PPP1R9A: variants seen among roughly 807,000 people sequenced by gnomAD.
PPP1R9A encodes protein phosphatase 1 regulatory subunit 9A, also known as neurabin-1.
In PPP1R9A, 59 loss-of-function variants were observed where a neutral mutation model predicts 141.9. That is an observed-to-expected ratio of 0.42 (90% CI 0.34 to 0.52). The LOEUF is 0.52. Ranked by LOEUF, PPP1R9A falls within the 20% of genes least tolerant of loss-of-function variation. PPP1R9A has a pLI of 0.10. For missense variants in PPP1R9A, 1,444 were observed against 1,611.9 expected (o/e 0.90, Z 1.78); for synonymous variants, 500 against 569.7 (o/e 0.88, Z 1.74).
At position 95,290,345 on chromosome 7, in the gene PPP1R9A, T is replaced by A. The variant is rs1806185423; in HGVS notation, c.*42T>A. ...GATGATGGAGATGCTCCAAGAGAAG[T>A]CCCCACCTCTTCCTGCCCTGCTCTC... On this transcript the variant is annotated 3_prime_UTR_variant, in exon 20 of 20. Transcript: ENST00000433360. The A allele has an allele frequency of 1.9e-6, 3 of 1,553,288 alleles. No individual in the cohort carries two copies. The highest frequency in any genetic ancestry group is 1.7e-6 in the Non-Finnish European group (2 of 1,143,972).
At chr7:95,168,799 A>G (rs1831664124) in intron 5 of PPP1R9A, among the ~76,000 whole-genome samples, 1 of 152,052 alleles carries the variant, frequency 6.6e-6, no homozygotes, top group Non-Finnish European at 1.5e-5. Context: ...AACATCAGTA[A>G]TCATCAGAGA....
At position 95,235,262 on chromosome 7, in the gene PPP1R9A, A is replaced by T. The variant is rs186556102; in HGVS notation, c.2112+9146A>T. 4.1e-4 allele frequency among the ~76,000 whole-genome samples: 63 copies of T among 152,312 alleles called. 1 individual carries two copies. The East Asian group carries it at 9.6e-3, about 23-fold the overall frequency. On this transcript the variant is annotated intron_variant, in intron 8 of 19. Transcript: ENST00000433360. ...GACTGGGAGAAAGTCTTTGCCATCT[A>T]TACATCTGACAAAGAACGAATATCC...
At chr7:95,276,665 A>ATTG (rs1803248518) in intron 16 of PPP1R9A, among the ~76,000 whole-genome samples, 1 of 152,202 alleles carries the variant, frequency 6.6e-6, no homozygotes, top group Non-Finnish European at 1.5e-5. Flanking sequence ...TTGTTATGAC[A>ATTG]TTGGCATACC....
intron 5 of PPP1R9A, among the ~76,000 whole-genome samples, chr7:95,193,308 G>T (rs1835783597): frequency 6.6e-6 from 1 of 152,068 alleles, no homozygotes. Flanking sequence ...TTTTAAAAGT[G>T]AGTATATTTC....
chr7:95,193,348 T>C (rs1835790035), intron 5 of PPP1R9A, among the ~76,000 whole-genome samples: 1 of 152,102 alleles, frequency 6.6e-6, no homozygotes, highest in African/African-American at 2.4e-5. Context: ...TTATGCGCAA[T>C]TATAAATCAT....
intron 2 of PPP1R9A, 47 bp from the exon 3 acceptor site, chr7:95,111,212 G>GTTTTT: frequency 1.6e-6 from 2 of 1,253,516 alleles, no homozygotes; most frequent in South Asian, 3.2e-5. Flanking sequence ...TACCTGGCAG[G>GTTTTT]TTTTTTTTTT....
At chr7:95,230,494 GAC>G in intron 8 of PPP1R9A, among the ~76,000 whole-genome samples, 1 of 151,944 alleles carries the variant, frequency 6.6e-6, no homozygotes, top group South Asian at 2.1e-4. Flanking sequence ...GGAAATCAAG[GAC>G]ACACACAAAT....
intron 2 of PPP1R9A, among the ~76,000 whole-genome samples, chr7:94,953,139 G>A (rs1796667755): frequency 6.6e-6 from 1 of 152,128 alleles, no homozygotes; most frequent in South Asian, 2.1e-4. Context: ...TTTGTATATG[G>A]TGTAAGGAAG....
At chr7:95,172,834 T>A (rs2152755908) in intron 5 of PPP1R9A, among the ~76,000 whole-genome samples, 1 of 152,026 alleles carries the variant, frequency 6.6e-6, no homozygotes, top group Non-Finnish European at 1.5e-5. Flanking sequence ...CAAGGCAATC[T>A]GGTTGAGGTA....
intron 2 of PPP1R9A, among the ~76,000 whole-genome samples, chr7:95,037,791 G>T (rs914956708): frequency 2.0e-5 from 3 of 152,106 alleles, no homozygotes; most frequent in Non-Finnish European, 2.9e-5. Context: ...TTTCAGTTCT[G>T]ACATTTTAAG....
chr7:95,240,741 G>C (rs534203403), intron 8 of PPP1R9A, among the ~76,000 whole-genome samples: 6 of 151,398 alleles, frequency 4.0e-5, no homozygotes, highest in African/African-American at 1.5e-4. Context: ...ATTCTTTCTC[G>C]CTTTTCTTTA....
chr7:94,930,041 A>G (rs1793959958), intron 2 of PPP1R9A, among the ~76,000 whole-genome samples: 1 of 152,202 alleles, frequency 6.6e-6, no homozygotes, highest in South Asian at 2.1e-4. Context: ...AATTAACTAG[A>G]CATAAACAGG....
chr7:95,151,425 G>A (rs1828647505), intron 4 of PPP1R9A, among the ~76,000 whole-genome samples: 1 of 152,162 alleles, frequency 6.6e-6, no homozygotes, highest in African/African-American at 2.4e-5. Context: ...GCAAAACTAT[G>A]GAGACAGTAA....
intron 5 of PPP1R9A, chr7:95,175,010 A>C (rs1368266806): frequency 6.6e-6 from 1 of 152,172 alleles, no homozygotes; most frequent in South Asian, 2.1e-4. Flanking sequence ...GGCCTCTCAC[A>C]ACATGAAAAC....
At chr7:95,120,891 C>G in intron 4 of PPP1R9A, 59 bp downstream of exon 4, 1 of 1,520,100 alleles carries the variant, frequency 6.6e-7, no homozygotes, top group Non-Finnish European at 8.9e-7. Flanking sequence ...CTGGAAGTTT[C>G]CTTCAGTTGT....
At chr7:94,962,556 A>G (rs1296787554) in intron 2 of PPP1R9A, among the ~76,000 whole-genome samples, 1 of 152,124 alleles carries the variant, frequency 6.6e-6, no homozygotes, top group Non-Finnish European at 1.5e-5. Context: ...AAAGGAATGC[A>G]GAAGTTATTC....
At chr7:95,265,152 G>A (rs1364981296) in intron 12 of PPP1R9A, among the ~76,000 whole-genome samples, 1 of 152,086 alleles carries the variant, frequency 6.6e-6, no homozygotes, top group Non-Finnish European at 1.5e-5. Context: ...TTCCTCTGAT[G>A]CTATATGCTT....
At chr7:95,160,443 A>G (rs941967024) in intron 4 of PPP1R9A, among the ~76,000 whole-genome samples, 6 of 152,152 alleles carry the variant, frequency 3.9e-5, no homozygotes, top group African/African-American at 7.2e-5. Flanking sequence ...TGATAGGAAT[A>G]TGTATGTTTG....
At chr7:95,281,451 C>T (rs1041672580) in intron 16 of PPP1R9A, among the ~76,000 whole-genome samples, 1 of 152,120 alleles carries the variant, frequency 6.6e-6, no homozygotes, top group East Asian at 1.9e-4. Flanking sequence ...CTGTGATCTC[C>T]TTCACCGCAC....
Sources: allele counts gnomAD v4.1 joint callset (sites outside exome capture counted in the v4.1 genomes callset), GRCh38; gene constraint gnomAD v4.1.1; transcripts MANE v1.5; gene names NCBI Gene and HGNC (gene_info 2026-07-23, HGNC 2026-07-21).